The following POLK variants were observed in gnomAD, a reference collection of about 807,000 sequenced individuals.
POLK encodes the protein DNA polymerase kappa, also known as polymerase (DNA directed) kappa.
In POLK, 76 loss-of-function variants were observed where a neutral mutation model predicts 94.0. The observed-to-expected ratio is 0.81, with a 90% CI of 0.67 to 0.98. The LOEUF (loss-of-function observed/expected upper bound fraction) is 0.98, where lower values mean the gene tolerates loss of function less well. Among genes scored for constraint, POLK ranks in the 50% least tolerant of loss-of-function variants. The pLI is 0.00. For synonymous variants in POLK, 349 were observed against 325.4 expected, an observed-to-expected ratio of 1.07 and a Z score of -0.78; for missense variants, 954 against 1,010.1, an observed-to-expected ratio of 0.94 and a Z score of 0.75.
intron 3 of POLK, among the ~76,000 whole-genome samples, chr5:75,559,947 G>T (rs920350291): frequency 6.6e-6 from 1 of 152,160 alleles, no homozygotes; most frequent in Admixed American, 6.6e-5. Context: ...CAATGTAATA[G>T]AAATGGGATA....
intron 3 of POLK, among the ~76,000 whole-genome samples, chr5:75,554,790 A>C (rs1454285359): frequency 6.6e-6 from 1 of 152,134 alleles, no homozygotes; most frequent in African/African-American, 2.4e-5. Flanking sequence ...GTTACTAGGG[A>C]TAATGGCCTC....
At chr5:75,576,992 T>G in intron 6 of POLK, 59 bp downstream of exon 6, 1 of 1,007,752 alleles carries the variant, frequency 9.9e-7, no homozygotes, top group Non-Finnish European at 1.4e-6. Flanking sequence ...AACCCACAAC[T>G]CTTTGAATTA....
At chr5:75,597,689 C>A in intron 13 of POLK, 58 bp from the exon 14 acceptor site, 1 of 1,010,044 alleles carries the variant, frequency 9.9e-7, no homozygotes, top group South Asian at 1.9e-5. Flanking sequence ...TTGTATACAA[C>A]TTTTTAATTA....
intron 1 of POLK, among the ~76,000 whole-genome samples, chr5:75,542,803 C>T (rs923811047): frequency 6.7e-6 from 1 of 150,090 alleles, no homozygotes; most frequent in African/African-American, 2.4e-5. Flanking sequence ...ACCGCCACCT[C>T]CCAGTTTCAA....
intron 1 of POLK, among the ~76,000 whole-genome samples, chr5:75,519,171 A>G (rs1561327904): frequency 1.3e-5 from 2 of 152,334 alleles, no homozygotes; most frequent in East Asian, 3.9e-4. Flanking sequence ...TAAATCAAAC[A>G]ATTAATTAAT....
intron 1 of POLK, among the ~76,000 whole-genome samples, chr5:75,533,375 G>T (rs1278422649): frequency 1.3e-5 from 2 of 152,062 alleles, no homozygotes; most frequent in Non-Finnish European, 2.9e-5. Flanking sequence ...TGTTGATTTT[G>T]TCAAATATCA....
At chr5:75,582,197 C>G (rs1420162844) in intron 7 of POLK, 1 of 895,268 alleles carries the variant, frequency 1.1e-6, no homozygotes, top group Non-Finnish European at 1.3e-6. Flanking sequence ...AACAAATTTA[C>G]ATATGTTGAT....
chr5:75,559,523 G>GTTTTTTTTTTTTTTT, intron 3 of POLK, among the ~76,000 whole-genome samples: 1 of 54,676 alleles, frequency 1.8e-5, no homozygotes, highest in Non-Finnish European at 3.4e-5. Context: ...GTTTTGTTTT[G>GTTTTTTTTTTTTTTT]TTTTTTTTTT....
the POLK span, among the ~76,000 whole-genome samples, chr5:75,607,490 A>G: frequency 2.0e-5 from 3 of 150,684 alleles, no homozygotes; most frequent in African/African-American, 7.3e-5. Flanking sequence ...AAAAAAAGGA[A>G]GTACTGTGTG....
exon 11 of POLK, chr5:75,590,356 G>A: frequency 6.3e-7 from 1 of 1,582,598 alleles, no homozygotes; most frequent in Non-Finnish European, 8.6e-7. Context: ...CATTCAGTGA[G>A]ATAAATAAAG....
exon 15 of POLK, chr5:75,597,959 A>T: frequency 6.6e-7 from 1 of 1,505,632 alleles, no homozygotes. Flanking sequence ...AAAGTACTCA[A>T]CATCAAAGAA....
At chr5:75,547,123 A>T in exon 2 of POLK, 1 of 1,548,996 alleles carries the variant, frequency 6.5e-7, no homozygotes, top group Non-Finnish European at 8.8e-7. Context: ...TTAGATAAAG[A>T]GAAAATTAAC....
chr5:75,553,644 A>G (rs5744612), intron 3 of POLK, among the ~76,000 whole-genome samples: 11,704 of 152,214 alleles, frequency 0.077, 540 homozygotes, highest in South Asian at 0.17. Context: ...TTTTTATTTC[A>G]TACGCAACCC....
rs188450290 is a variant in POLK, at chr5:75,588,681, C to A, written c.1259+1623C>A. Among the ~76,000 whole-genome samples, 161 of 152,276 alleles carry A rather than the reference C, an allele frequency of 1.1e-3. 2 individuals carry two copies. Among genetic ancestry groups the A allele is most frequent in the African/African-American group, 3.7e-3 (154 of 41,564 alleles). ...TATTCTCTATCATTCTGAAAGTCAG[C>A]GGTTCTAAAGTTAATGTGTTGGTAG... is the stretch of plus-strand genomic sequence containing the variant. On this transcript the variant is annotated intron_variant, in intron 10 of 14. Transcript: ENST00000241436.
At chr5:75,605,896 G>T (rs1180744802), downstream of POLK, among the ~76,000 whole-genome samples, 1 of 150,820 alleles carries the variant, frequency 6.6e-6, no homozygotes, top group Non-Finnish European at 1.5e-5. Flanking sequence ...GAGAGATTTG[G>T]AAAAGAAAAA....
intron 3 of POLK, among the ~76,000 whole-genome samples, chr5:75,556,131 C>T (rs1319439358): frequency 6.6e-6 from 1 of 152,224 alleles, no homozygotes; most frequent in African/African-American, 2.4e-5. Flanking sequence ...TTCCCACCAA[C>T]AATGAATGAG....
At chr5:75,600,436 C>T (rs1033371619) in exon 15 of POLK, 6 of 152,162 alleles carry the variant, frequency 3.9e-5, no homozygotes, top group Non-Finnish European at 7.3e-5. Flanking sequence ...CAATTGCACT[C>T]TGAAGTATAC....
At position 75,516,545 on chromosome 5, in the gene POLK, A is replaced by G. The variant is rs141916198; in HGVS notation, c.-14+4631A>G. The stretch of plus-strand genomic sequence containing the variant: ...CTGGATGTGGTAGCACACACCTGTG[A>G]TCCCAGCTACTCAGGAGCCTGAGGT... On this transcript the variant is annotated intron_variant, in intron 1 of 14. Coordinates refer to ENST00000241436, the Ensembl canonical transcript of POLK. Among the ~76,000 whole-genome samples the G allele has an allele frequency of 2.1e-3, 316 of 152,312 alleles. 1 individual carries two copies. The East Asian group carries it at 0.027, about 13-fold the overall frequency.
At chr5:75,589,388 TACACAC>T (rs71600465) in intron 10 of POLK, among the ~76,000 whole-genome samples, 14,799 of 128,256 alleles carry the variant, frequency 0.12, 859 homozygotes, top group Non-Finnish European at 0.13. Context: ...TATACACACA[TACACAC>T]ACACACACAC....
Sources: allele counts gnomAD v4.1 joint callset (sites outside exome capture counted in the v4.1 genomes callset), GRCh38; gene constraint gnomAD v4.1.1; transcripts MANE v1.5; gene names NCBI Gene and HGNC (gene_info 2026-07-23, HGNC 2026-07-21).